Variants in DLGAP2 observed in about 807,000 individuals in gnomAD.
DLGAP2 encodes disks large-associated protein 2.
DLGAP2 carries 26 observed loss-of-function variants against 100.3 expected under a neutral mutation model. The ratio of observed to expected loss-of-function variants is 0.26; its 90% CI spans 0.19 to 0.36. DLGAP2 has a LOEUF of 0.36. Ranked by LOEUF, DLGAP2 falls within the 10% of genes least tolerant of loss-of-function variation. The pLI is 1.00. For synonymous variants in DLGAP2, 886 were observed against 630.1 expected (o/e 1.41, Z -6.08); for missense variants, 1,858 against 1,453.2 (o/e 1.28, Z -4.53).
intron 1 of DLGAP2, among the ~76,000 whole-genome samples, chr8:794,898 C>T (rs568866354): frequency 2.4e-4 from 36 of 152,156 alleles, no homozygotes; most frequent in Non-Finnish European, 3.7e-4. Context: ...AGGACGGGGT[C>T]CCTGGTGGCG....
At chr8:1,165,326 C>T (rs889659422) in intron 2 of DLGAP2, among the ~76,000 whole-genome samples, 1 of 152,046 alleles carries the variant, frequency 6.6e-6, no homozygotes, top group African/African-American at 2.4e-5. Context: ...CACGCGCATA[C>T]AGCATCAGCC....
chr8:916,081 T>A (rs1411197157), intron 2 of DLGAP2, among the ~76,000 whole-genome samples: 1 of 152,094 alleles, frequency 6.6e-6, no homozygotes, highest in African/African-American at 2.4e-5. Context: ...CACCCGTCCG[T>A]CCATCTGTCC....
At chr8:1,581,227 C>G (rs1437359149) in intron 6 of DLGAP2, among the ~76,000 whole-genome samples, 1 of 150,330 alleles carries the variant, frequency 6.7e-6, no homozygotes, top group African/African-American at 2.5e-5. Flanking sequence ...GTGAAGGATA[C>G]AGACAAAACC....
intron 2 of DLGAP2, among the ~76,000 whole-genome samples, chr8:1,079,407 C>T (rs2129039078): frequency 1.3e-5 from 2 of 152,176 alleles, no homozygotes; most frequent in Middle Eastern, 6.8e-3. Context: ...GCCTTAAGTT[C>T]TTCTGCATTA....
chr8:1,199,325 G>A (rs1382775405), intron 2 of DLGAP2, among the ~76,000 whole-genome samples: 1 of 152,220 alleles, frequency 6.6e-6, no homozygotes, highest in Non-Finnish European at 1.5e-5. Context: ...TCTCCCTGGT[G>A]ATCTCTTTTG....
intron 2 of DLGAP2, among the ~76,000 whole-genome samples, chr8:1,205,935 T>C (rs1474614668): frequency 1.3e-5 from 2 of 152,166 alleles, no homozygotes; most frequent in African/African-American, 4.8e-5. Context: ...GGAGGATCAC[T>C]TGAGCCCAGG....
intron 2 of DLGAP2, among the ~76,000 whole-genome samples, chr8:1,075,381 T>G (rs1803574232): frequency 6.6e-6 from 1 of 152,096 alleles, no homozygotes; most frequent in South Asian, 2.1e-4. Context: ...CGGCTGGGTG[T>G]TCTGGAAGCG....
At chr8:1,061,906 A>G (rs942931591) in intron 2 of DLGAP2, among the ~76,000 whole-genome samples, 2 of 151,718 alleles carry the variant, frequency 1.3e-5, no homozygotes, top group African/African-American at 2.4e-5. Context: ...TCACTCTTAT[A>G]AAGACCCATG....
At chr8:886,027 T>A (rs1235101852) in intron 1 of DLGAP2, among the ~76,000 whole-genome samples, 1 of 152,198 alleles carries the variant, frequency 6.6e-6, no homozygotes, top group Non-Finnish European at 1.5e-5. Flanking sequence ...ATCCGTCTGG[T>A]CCTGGGCTTT....
intron 6 of DLGAP2, among the ~76,000 whole-genome samples, chr8:1,608,803 A>G (rs1014592181): frequency 2.0e-5 from 3 of 150,752 alleles, no homozygotes; most frequent in African/African-American, 7.3e-5. Flanking sequence ...GTGGAAGATG[A>G]AATGAATGAA....
intron 1 of DLGAP2, among the ~76,000 whole-genome samples, chr8:753,240 C>A (rs1820837428): frequency 6.6e-6 from 1 of 152,164 alleles, no homozygotes. Flanking sequence ...TGAGGAATTG[C>A]TGCTCTGTAT....
At chr8:1,363,626 A>G (rs758377573) in intron 3 of DLGAP2, among the ~76,000 whole-genome samples, 1 of 152,178 alleles carries the variant, frequency 6.6e-6, no homozygotes, top group Admixed American at 6.5e-5. Context: ...CTGGACCTGC[A>G]AATCTCCTCT....
intron 4 of DLGAP2, among the ~76,000 whole-genome samples, chr8:1,511,841 A>G (rs1367687057): frequency 6.6e-6 from 1 of 152,228 alleles, no homozygotes; most frequent in African/African-American, 2.4e-5. Flanking sequence ...GACAATCAGT[A>G]GGTCACATGA....
At chr8:779,237 C>T (rs996421923) in intron 1 of DLGAP2, among the ~76,000 whole-genome samples, 1 of 152,242 alleles carries the variant, frequency 6.6e-6, no homozygotes, top group Non-Finnish European at 1.5e-5. Context: ...TGTGCCCACT[C>T]TCTGGCCCTC....
intron 1 of DLGAP2, chr8:738,862 G>C (rs1427595961): frequency 6.5e-6 from 1 of 152,684 alleles, no homozygotes; most frequent in Admixed American, 6.6e-5. Flanking sequence ...CCCCCGGACA[G>C]CGTAGGTTCG....
At chr8:1,526,133 C>G (rs1329753005) in intron 4 of DLGAP2, among the ~76,000 whole-genome samples, 1 of 150,894 alleles carries the variant, frequency 6.6e-6, no homozygotes, top group African/African-American at 2.4e-5. Context: ...ATGCTGTGAG[C>G]GCTTCTCAGT....
chr8:1,199,709 G>T (rs1341749566), intron 2 of DLGAP2, among the ~76,000 whole-genome samples: 1 of 152,156 alleles, frequency 6.6e-6, no homozygotes, highest in Non-Finnish European at 1.5e-5. Flanking sequence ...GCACTCGGTG[G>T]CTCTCACTCG....
In DLGAP2 at chr8:1,009,671, C is replaced by T. The variant is rs185902059; in HGVS notation, c.73+101705C>T. On this transcript the variant is annotated intron_variant, in intron 2 of 14. Coordinates refer to ENST00000637795, the MANE Select transcript of DLGAP2 (RefSeq NM_001346810.2). ...TAGCTCAATGTTGGTTTTCATTCTTCGAGGAACTTGCATGATGAAGAACCA... is the reference window on the plus strand; with the variant it reads ...TAGCTCAATGTTGGTTTTCATTCTTTGAGGAACTTGCATGATGAAGAACCA... 3.1e-4 allele frequency among the ~76,000 whole-genome samples: 47 copies of T among 152,320 alleles called. No homozygotes were observed. In the East Asian group the frequency reaches 8.9e-3, roughly 29 times the overall value.
chr8:1,484,340 A>G (rs138919269), intron 3 of DLGAP2, among the ~76,000 whole-genome samples: 182 of 152,400 alleles, frequency 1.2e-3, no homozygotes, highest in African/African-American at 4.3e-3. Context: ...TGATTTAAAA[A>G]AGAAAACATC....
Sources: allele counts gnomAD v4.1 joint callset (sites outside exome capture counted in the v4.1 genomes callset), GRCh38; gene constraint gnomAD v4.1.1; transcripts MANE v1.5; gene names NCBI Gene and HGNC (gene_info 2026-07-23, HGNC 2026-07-21).